Variants in CDKL5 observed in about 807,000 individuals in gnomAD.
The protein encoded by CDKL5 is cyclin dependent kinase like 5.
A neutral mutation model predicts 61.7 loss-of-function variants in CDKL5; 8 were observed. That is an observed-to-expected ratio of 0.13 (90% CI 0.08 to 0.23). CDKL5 has a LOEUF of 0.23. Among genes scored for constraint, CDKL5 ranks in the 10% least tolerant of loss-of-function variants. The probability of loss-of-function intolerance (pLI) is 1.00; values close to 1 mark genes in which losing one functional copy is unlikely to be tolerated. For missense variants in CDKL5, 440 were observed against 734.5 expected, an observed-to-expected ratio of 0.60 and a Z score of 4.63; for synonymous variants, 275 against 272.3, an observed-to-expected ratio of 1.01 and a Z score of -0.10.
intron 1 of CDKL5, among the ~76,000 whole-genome samples, chrX:18,445,807 A>G (rs1222206907): frequency 1.8e-5 from 2 of 110,920 alleles, no homozygotes; most frequent in Admixed American, 9.7e-5. Flanking sequence ...GGTCAATTCA[A>G]CCTTTTTCCT....
At chrX:18,428,737 T>C (rs966383101) in intron 1 of CDKL5, among the ~76,000 whole-genome samples, 9 of 110,335 alleles carry the variant, frequency 8.2e-5, no homozygotes, top group African/African-American at 3.0e-4. Context: ...TTTTTTTTTT[T>C]TTGCAACATC....
At chrX:18,649,517 C>T (rs1487303845) in intron 20 of CDKL5, among the ~76,000 whole-genome samples, 3 of 111,807 alleles carry the variant, frequency 2.7e-5, no homozygotes, top group East Asian at 5.6e-4. Flanking sequence ...GACCTCTGGC[C>T]GGGGAGGCTT....
In CDKL5 at chrX:18,575,481, T is replaced by C; in HGVS notation, c.273T>C (p.Tyr91=). 8.3e-7 allele frequency: 1 copy of C among 1,209,074 alleles called. No individual in the cohort carries two copies. Among genetic ancestry groups the C allele is most frequent in the South Asian group, 1.8e-5 (1 of 56,963 alleles). Residue 91 remains tyrosine, a synonymous_variant, in exon 5 of 18, where the codon TAT becomes TAC. Transcript: ENST00000623535. ...RRGKLYLVFE[Y]VEKNMLELLE... Reference sequence around the variant, plus strand: ...GAAAGTTGTACTTGGTGTTTGAGTATGTTGAAAAAGTAAGTCATTAATTGC... The same window carrying C: ...GAAAGTTGTACTTGGTGTTTGAGTACGTTGAAAAAGTAAGTCATTAATTGC...
chrX:18,649,584 C>T (rs915020100), intron 20 of CDKL5, among the ~76,000 whole-genome samples: 1 of 111,784 alleles, frequency 8.9e-6, no homozygotes, highest in African/African-American at 3.3e-5. Context: ...CTAGTATCTG[C>T]AGCTCTGTGG....
chrX:18,468,290 T>C (rs1017401690), intron 1 of CDKL5, among the ~76,000 whole-genome samples: 1 of 112,645 alleles, frequency 8.9e-6, no homozygotes, highest in Non-Finnish European at 1.9e-5. Flanking sequence ...GTGCGGATAC[T>C]GTAAGTACAA....
At chrX:18,559,798 A>C in intron 3 of CDKL5, among the ~76,000 whole-genome samples, 2 of 52,448 alleles carry the variant, frequency 3.8e-5, no homozygotes, top group East Asian at 7.0e-4. Flanking sequence ...CCCACCCCAC[A>C]ACAGTCCCCA....
At chrX:18,479,795 A>AT (rs1460110976) in intron 1 of CDKL5, among the ~76,000 whole-genome samples, 3 of 110,773 alleles carry the variant, frequency 2.7e-5, no homozygotes, top group South Asian at 3.7e-4. Flanking sequence ...TTCATTTTTC[A>AT]TTTTTTTCTG....
At chrX:18,579,585 C>G (rs1049678365) in intron 5 of CDKL5, among the ~76,000 whole-genome samples, 2 of 110,479 alleles carry the variant, frequency 1.8e-5, no homozygotes, top group Non-Finnish European at 3.8e-5. Context: ...TAAAATAATG[C>G]CTGAAAACCT....
Position 18,632,728 on chromosome X carries a change from G to A in CDKL5, c.*3971G>A. ...CACGCCATGTATTATAAAGTATGTTGTGGTTGTAGAGTTAGCCAGTTTAGC... is the reference window on the plus strand; with the variant it reads ...CACGCCATGTATTATAAAGTATGTTATGGTTGTAGAGTTAGCCAGTTTAGC... On this transcript the variant is annotated 3_prime_UTR_variant, in exon 18 of 18. Coordinates refer to ENST00000623535, the MANE Select transcript of CDKL5 (RefSeq NM_001323289.2). 1.3e-6 allele frequency: 1 copy of A among 754,333 alleles called. No individual in the cohort carries two copies. The highest frequency in any genetic ancestry group is 1.6e-6 in the Non-Finnish European group (1 of 639,282). The allele number at this position is 754,333 out of a possible 1,213,427, so 62.2% of individuals were successfully genotyped here. A position where few individuals can be genotyped will look rare whatever the true frequency, so the allele number is the denominator to read the frequency against.
chrX:18,633,539 A>C lies in CDKL5; in HGVS notation c.*4782A>C. The C allele has an allele frequency of 1.3e-6, 1 of 754,157 alleles. No homozygotes were observed. The highest frequency in any genetic ancestry group is 1.6e-6 in the Non-Finnish European group (1 of 639,080). The allele number at this position is 754,157 out of a possible 1,213,427, so 62.2% of individuals were successfully genotyped here. A position where few individuals can be genotyped will look rare whatever the true frequency, so the allele number is the denominator to read the frequency against. On this transcript the variant is annotated 3_prime_UTR_variant, in exon 18 of 18. Transcript: ENST00000623535. Reference sequence around the variant, plus strand: ...TGCTTCTTGACCAGCTGAGATACAGAATATCTTGAGGTCTGGTTCAGCTGA... The same window carrying C: ...TGCTTCTTGACCAGCTGAGATACAGCATATCTTGAGGTCTGGTTCAGCTGA...
chrX:18,559,209 G>T (rs1402442929), intron 3 of CDKL5, among the ~76,000 whole-genome samples: 1 of 111,645 alleles, frequency 9.0e-6, no homozygotes, highest in Non-Finnish European at 1.9e-5. Context: ...TTTTTGTTTT[G>T]TTTTGTTTTG....
At chrX:18,559,804 C>A (rs1232047919) in intron 3 of CDKL5, among the ~76,000 whole-genome samples, 28 of 80,708 alleles carry the variant, frequency 3.5e-4, no homozygotes, top group Non-Finnish European at 5.1e-4. Flanking sequence ...CCACAACAGT[C>A]CCCAGAGTGT....
At chrX:18,540,802 C>T (rs1435796354) in intron 3 of CDKL5, among the ~76,000 whole-genome samples, 1 of 109,402 alleles carries the variant, frequency 9.1e-6, no homozygotes, top group Non-Finnish European at 1.9e-5. Flanking sequence ...ATTCTCCTGC[C>T]TCAGCCTCCC....
chrX:18,496,766 AG>A (rs1376703040), intron 1 of CDKL5, among the ~76,000 whole-genome samples: 1 of 111,404 alleles, frequency 9.0e-6, no homozygotes, highest in East Asian at 2.8e-4. Context: ...TATGGTTTGT[AG>A]GGCGTGACTT....
chrX:18,611,153 G>A (rs753119094), intron 14 of CDKL5, among the ~76,000 whole-genome samples: 37 of 111,550 alleles, frequency 3.3e-4, no homozygotes, highest in Non-Finnish European at 5.6e-4. Flanking sequence ...GGGACTGGCC[G>A]GGCGCAGTGG....
At chrX:18,518,515 C>T (rs1219027489) in intron 3 of CDKL5, among the ~76,000 whole-genome samples, 1 of 99,959 alleles carries the variant, frequency 1.0e-5, no homozygotes, top group Non-Finnish European at 2.0e-5. Flanking sequence ...AGTGATTCTC[C>T]TGCCTCAGCC....
At chrX:18,506,211 C>G (rs1183167651) in intron 1 of CDKL5, among the ~76,000 whole-genome samples, 2 of 111,704 alleles carry the variant, frequency 1.8e-5, no homozygotes, top group Non-Finnish European at 3.8e-5. Context: ...AAAATATGCC[C>G]TAGGCTCCTA....
At chrX:18,540,279 C>T (rs893512931) in intron 3 of CDKL5, among the ~76,000 whole-genome samples, 1 of 110,735 alleles carries the variant, frequency 9.0e-6, no homozygotes, top group Non-Finnish European at 1.9e-5. Flanking sequence ...CGGGCTCAAG[C>T]GATTCTCCTA....
chrX:18,633,863 C>T lies in CDKL5; in HGVS notation c.*5106C>T. The T allele has an allele frequency of 1.9e-5, 14 of 753,608 alleles. No homozygotes were observed. Among genetic ancestry groups the T allele is most frequent in the African/African-American group, 2.3e-5 (1 of 43,668 alleles). 62.1% of individuals were successfully genotyped at this position (753,608 alleles called of 1,213,427 possible). On this transcript the variant is annotated 3_prime_UTR_variant, in exon 18 of 18. Coordinates refer to ENST00000623535, the MANE Select transcript of CDKL5 (RefSeq NM_001323289.2). ...TCTCCGGGCACTGACCCCACCTTTC[C>T]GTGTATTTACTGTAGGCTATTAAAT...
Sources: allele counts gnomAD v4.1 joint callset (sites outside exome capture counted in the v4.1 genomes callset), GRCh38; gene constraint gnomAD v4.1.1; transcripts MANE v1.5; gene names NCBI Gene and HGNC (gene_info 2026-07-23, HGNC 2026-07-21).